Variants in DNAJC1 observed in about 807,000 individuals in gnomAD.
DNAJC1 encodes dnaJ homolog subfamily C member 1.
In DNAJC1, 58 loss-of-function variants were observed where a neutral mutation model predicts 76.6. The observed-to-expected ratio is 0.76, with a 90% CI of 0.61 to 0.94. The LOEUF (loss-of-function observed/expected upper bound fraction) is 0.94, where lower values mean the gene tolerates loss of function less well. Ranked by LOEUF, DNAJC1 falls within the 40% of genes least tolerant of loss-of-function variation. The pLI, the probability that DNAJC1 is intolerant of heterozygous loss-of-function variation, is 0.00. For missense variants in DNAJC1, 689 were observed against 677.3 expected (o/e 1.02, Z -0.19); for synonymous variants, 258 against 267.9 (o/e 0.96, Z 0.36).
chr10:21,793,809 G>A (rs1246083616), intron 9 of DNAJC1, among the ~76,000 whole-genome samples: 2 of 152,028 alleles, frequency 1.3e-5, no homozygotes, highest in Non-Finnish European at 2.9e-5. Context: ...AACATTAGCT[G>A]GGCAGTGGTG....
At chr10:21,765,924 G>C (rs1475418076) in intron 10 of DNAJC1, among the ~76,000 whole-genome samples, 3 of 152,216 alleles carry the variant, frequency 2.0e-5, no homozygotes, top group Non-Finnish European at 4.4e-5. Flanking sequence ...GGCAGTGACA[G>C]GGGTGGACAG....
intron 1 of DNAJC1, among the ~76,000 whole-genome samples, chr10:21,995,252 C>T (rs912761292): frequency 2.6e-5 from 4 of 152,098 alleles, no homozygotes; most frequent in East Asian, 1.9e-4. Flanking sequence ...CTCATGTGTA[C>T]GGACCCTAAG....
chr10:21,848,242 G>A (rs983302458), intron 8 of DNAJC1, among the ~76,000 whole-genome samples: 1 of 152,020 alleles, frequency 6.6e-6, no homozygotes, highest in Non-Finnish European at 1.5e-5. Flanking sequence ...ATACTTGTTG[G>A]CCATTTCTAT....
intron 8 of DNAJC1, among the ~76,000 whole-genome samples, chr10:21,856,425 T>C (rs904336921): frequency 3.3e-5 from 5 of 152,234 alleles, no homozygotes; most frequent in African/African-American, 1.2e-4. Flanking sequence ...GATATTTATA[T>C]CTATTGTAGC....
chr10:21,828,087 T>A (rs1835292364), intron 8 of DNAJC1, among the ~76,000 whole-genome samples: 1 of 152,234 alleles, frequency 6.6e-6, no homozygotes, highest in Non-Finnish European at 1.5e-5. Flanking sequence ...TTCCTCCATA[T>A]AATTGCCAAC....
At chr10:21,976,472 A>G (rs1346735391) in intron 1 of DNAJC1, among the ~76,000 whole-genome samples, 1 of 152,186 alleles carries the variant, frequency 6.6e-6, no homozygotes, top group African/African-American at 2.4e-5. Context: ...TACCAACATC[A>G]TCCCACTGTC....
chr10:21,982,807 A>G (rs1006979775), intron 1 of DNAJC1, among the ~76,000 whole-genome samples: 3 of 152,202 alleles, frequency 2.0e-5, no homozygotes, highest in Non-Finnish European at 4.4e-5. Context: ...GTAAAATGGC[A>G]CAGCAGCTAT....
In DNAJC1 at chr10:21,766,311, T is replaced by C. The variant is rs1834299558; in HGVS notation, c.1099-2A>G. ...CAGTTGCTTGGCTTTGGTTGTCACC[T>C]GTTTCAAAACATAAAAGCAAAAATC... On this transcript the variant is annotated splice_acceptor_variant, in intron 9 of 11. Transcript: ENST00000376980. LOFTEE classifies it high-confidence loss of function. 6.2e-7 allele frequency: 1 copy of C among 1,613,620 alleles called. No individual in the cohort carries two copies. The highest frequency in any genetic ancestry group is 2.2e-5 in the East Asian group (1 of 44,874).
intron 1 of DNAJC1, among the ~76,000 whole-genome samples, chr10:21,932,785 T>C (rs1837249588): frequency 6.6e-6 from 1 of 152,210 alleles, no homozygotes; most frequent in Non-Finnish European, 1.5e-5. Context: ...CAAATGTATT[T>C]ATTTGATTTT....
chr10:21,919,676 T>A (rs541796801), intron 5 of DNAJC1, among the ~76,000 whole-genome samples, 156 bp downstream of exon 5: 1 of 152,124 alleles, frequency 6.6e-6, no homozygotes, highest in East Asian at 1.9e-4. Context: ...AGATTAGAAC[T>A]TGTCTCATAA....
intron 8 of DNAJC1, among the ~76,000 whole-genome samples, chr10:21,851,507 A>G (rs7080207): frequency 0.03 from 4,500 of 152,292 alleles, 105 homozygotes; most frequent in Middle Eastern, 0.065. Context: ...GAGAATATGG[A>G]GAAAATGGAA....
intron 1 of DNAJC1, among the ~76,000 whole-genome samples, chr10:21,937,379 T>C (rs1249736266): frequency 6.6e-6 from 1 of 152,098 alleles, no homozygotes; most frequent in Admixed American, 6.5e-5. Flanking sequence ...ACAAAGGACA[T>C]TATTTAACGA....
chr10:21,902,019 G>A (rs1447329100), intron 7 of DNAJC1, among the ~76,000 whole-genome samples: 3 of 152,110 alleles, frequency 2.0e-5, no homozygotes, highest in African/African-American at 7.2e-5. Context: ...ATACATGACA[G>A]TCTGACATTG....
At chr10:21,830,229 C>G (rs953646010) in intron 8 of DNAJC1, among the ~76,000 whole-genome samples, 2 of 152,098 alleles carry the variant, frequency 1.3e-5, no homozygotes, top group East Asian at 3.8e-4. Context: ...TTTTTTTCTA[C>G]ATTCAATTTT....
chr10:21,794,136 A>C (rs1045758978), intron 9 of DNAJC1, among the ~76,000 whole-genome samples: 1 of 151,926 alleles, frequency 6.6e-6, no homozygotes, highest in Non-Finnish European at 1.5e-5. Context: ...TGGGTGTGGT[A>C]GTATGCACTT....
intron 1 of DNAJC1, among the ~76,000 whole-genome samples, chr10:21,941,008 T>G (rs1837398375): frequency 6.6e-6 from 1 of 150,600 alleles, no homozygotes; most frequent in South Asian, 2.1e-4. Context: ...TCCCAGCACT[T>G]TGGGAGGCCA....
intron 7 of DNAJC1, among the ~76,000 whole-genome samples, chr10:21,894,473 A>T (rs771906761): frequency 6.6e-6 from 1 of 152,308 alleles, no homozygotes; most frequent in South Asian, 2.1e-4. Context: ...TGGGAGGCTA[A>T]GGCAAGAGAA....
At chr10:21,877,747 A>G (rs1465052839) in intron 8 of DNAJC1, among the ~76,000 whole-genome samples, 1 of 152,204 alleles carries the variant, frequency 6.6e-6, no homozygotes, top group African/African-American at 2.4e-5. Flanking sequence ...TTTGGAAAAC[A>G]ATTTAAAAGT....
intron 6 of DNAJC1, among the ~76,000 whole-genome samples, chr10:21,911,040 A>AAAGGAAGGAAGGAAGGAAGG (rs56239918): frequency 4.6e-5 from 6 of 130,112 alleles, no homozygotes; most frequent in South Asian, 2.9e-4. Context: ...AAAGAGAGAG[A>AAAGGAAGGAAGGAAGGAAGG]AAGGAAGGAA....
Sources: gnomAD v4.1 joint callset for allele counts (sites outside exome capture counted in the v4.1 genomes callset) on GRCh38, gnomAD v4.1.1 for gene constraint, MANE v1.5 for transcripts, NCBI Gene and HGNC (gene_info 2026-07-23, HGNC 2026-07-21) for gene names.